Variants in C12orf42 observed in about 807,000 individuals in gnomAD.
C12orf42 encodes the protein uncharacterized protein C12orf42.
In C12orf42, 25 loss-of-function variants were observed where a neutral mutation model predicts 21.6. The observed-to-expected ratio is 1.16, with a 90% CI of 0.84 to 1.62. The LOEUF is 1.62. Ranked by LOEUF, C12orf42 falls within the 40% of genes most tolerant of loss-of-function variation. The pLI, the probability that C12orf42 is intolerant of heterozygous loss-of-function variation, is 0.00. For missense variants in C12orf42, 483 were observed against 459.3 expected (o/e 1.05, Z -0.47); for synonymous variants, 174 against 175.0 (o/e 0.99, Z 0.05).
At chr12:103,284,284 C>A (rs1915110) in intron 4 of C12orf42, among the ~76,000 whole-genome samples, 53,293 of 152,016 alleles carry the variant, frequency 0.35, 10,323 homozygotes, top group East Asian at 0.51. Flanking sequence ...AACAAGTAGC[C>A]TCCATTGATG....
intron 2 of C12orf42, among the ~76,000 whole-genome samples, chr12:103,458,998 G>A (rs1189717928): frequency 2.6e-5 from 4 of 151,872 alleles, no homozygotes; most frequent in African/African-American, 9.7e-5. Context: ...GGAGATGTGA[G>A]AAAAGACAAA....
intron 2 of C12orf42, among the ~76,000 whole-genome samples, chr12:103,474,737 A>T (rs1464989245): frequency 6.6e-6 from 1 of 152,208 alleles, no homozygotes; most frequent in Non-Finnish European, 1.5e-5. Flanking sequence ...ATATCAATTC[A>T]GAGTAGAGCA....
At chr12:103,183,205 C>T in the C12orf42 span, among the ~76,000 whole-genome samples, 3 of 152,230 alleles carry the variant, frequency 2.0e-5, no homozygotes, top group African/African-American at 7.2e-5. Context: ...CCTCAGCCTC[C>T]TGAGTAGCTG....
chr12:103,136,348 A>T, the C12orf42 span, among the ~76,000 whole-genome samples: 1 of 152,232 alleles, frequency 6.6e-6, no homozygotes, highest in Admixed American at 6.5e-5. Flanking sequence ...ATAGAAAAAA[A>T]CTACAAAACA....
the C12orf42 span, among the ~76,000 whole-genome samples, chr12:103,560,652 C>T: frequency 6.6e-6 from 1 of 152,146 alleles, no homozygotes; most frequent in Non-Finnish European, 1.5e-5. Flanking sequence ...CTATCTGTTT[C>T]AGTGGTCAGT....
intron 2 of C12orf42, among the ~76,000 whole-genome samples, chr12:103,453,263 T>A (rs1952071242): frequency 6.6e-6 from 1 of 151,864 alleles, no homozygotes; most frequent in African/African-American, 2.4e-5. Context: ...AAGGTTTATA[T>A]AAAGTTATAT....
chr12:103,106,962 T>C, the C12orf42 span, among the ~76,000 whole-genome samples: 1 of 151,916 alleles, frequency 6.6e-6, no homozygotes, highest in African/African-American at 2.4e-5. Context: ...AGAAAAGATA[T>C]TCACCAAAAG....
chr12:103,276,488 A>C (rs775888333), intron 5 of C12orf42, among the ~76,000 whole-genome samples: 7 of 152,174 alleles, frequency 4.6e-5, no homozygotes, highest in Non-Finnish European at 1.0e-4. Context: ...CGCAAGTGTG[A>C]CCATCCCATG....
At chr12:103,256,111 T>TAC (rs199952822) in intron 10 of C12orf42, among the ~76,000 whole-genome samples, 1,114 of 33,656 alleles carry the variant, frequency 0.033, 27 homozygotes, top group Middle Eastern at 0.11. Context: ...TATATATATA[T>TAC]ACACACACAC....
At chr12:103,427,379 G>T (rs1034991907) in intron 2 of C12orf42, among the ~76,000 whole-genome samples, 11 of 146,544 alleles carry the variant, frequency 7.5e-5, no homozygotes, top group African/African-American at 2.8e-4. Flanking sequence ...AAAAAAACAA[G>T]GAAGGTCATT....
At position 103,436,318 on chromosome 12, in the gene C12orf42, C is replaced by T. The variant is rs139847623; in HGVS notation, c.79-34643G>A. On this transcript the variant is annotated intron_variant, in intron 2 of 5. Coordinates refer to ENST00000548883, the MANE Select transcript of C12orf42 (RefSeq NM_198521.5). Reference sequence around the variant, plus strand: ...AATCATGCCAAAATGTAAAGACCATCGAGACTAGGAAGAAACTACATCAAC... The same window carrying T: ...AATCATGCCAAAATGTAAAGACCATTGAGACTAGGAAGAAACTACATCAAC... Among the ~76,000 whole-genome samples the T allele has an allele frequency of 5.6e-3, 846 of 151,922 alleles. 9 individuals are homozygous for T. Among genetic ancestry groups the T allele is most frequent in the African/African-American group, 0.02 (816 of 41,376 alleles).
the C12orf42 span, among the ~76,000 whole-genome samples, chr12:103,514,739 C>G: frequency 6.6e-6 from 1 of 151,872 alleles, no homozygotes; most frequent in Admixed American, 6.5e-5. Flanking sequence ...TCAGACAATT[C>G]TATACAAGAT....
At position 103,411,610 on chromosome 12, in the gene C12orf42, T is replaced by C. The variant is rs1268930115; in HGVS notation, c.79-9935A>G. Among the ~76,000 whole-genome samples, 6 of 152,278 alleles carry C rather than the reference T, an allele frequency of 3.9e-5. 1 individual carries two copies. Among genetic ancestry groups the C allele is most frequent in the Middle Eastern group, 6.8e-3 (2 of 294 alleles). ...CTCATGAATAGGATTAGTTCCCTTATGAAAAAGAAGCCAGGGGAGCTTGTT... is the reference window on the plus strand; with the variant it reads ...CTCATGAATAGGATTAGTTCCCTTACGAAAAAGAAGCCAGGGGAGCTTGTT... On this transcript the variant is annotated intron_variant, in intron 2 of 5. Transcript: ENST00000548883.
In C12orf42 at chr12:103,250,128, T is replaced by C. The variant is rs559337535; in HGVS notation, c.*1367-12226A>G. On this transcript the variant is annotated intron_variant and NMD_transcript_variant, in intron 10 of 10. Transcript: ENST00000547347. ...CTATGTTTGATTTTCTAAAGAAGTATAGTATGTTTTACTTCTTGGAATGTC... is the reference window on the plus strand; with the variant it reads ...CTATGTTTGATTTTCTAAAGAAGTACAGTATGTTTTACTTCTTGGAATGTC... 2.0e-5 allele frequency among the ~76,000 whole-genome samples: 3 copies of C among 152,142 alleles called. No homozygotes were observed. In the South Asian group the frequency reaches 6.2e-4, roughly 32 times the overall value.
intron 4 of C12orf42, among the ~76,000 whole-genome samples, chr12:103,283,580 C>A (rs943215989): frequency 3.5e-4 from 53 of 152,228 alleles, no homozygotes; most frequent in Non-Finnish European, 7.2e-4. Context: ...CATGCCAGCT[C>A]ATTTTCCTCT....
the C12orf42 span, among the ~76,000 whole-genome samples, chr12:103,119,756 G>C: frequency 6.6e-6 from 1 of 152,186 alleles, no homozygotes; most frequent in African/African-American, 2.4e-5. Context: ...TTGGGATAGA[G>C]TCTTCAATTC....
intron 4 of C12orf42, among the ~76,000 whole-genome samples, chr12:103,290,758 AGTG>A (rs995901774): frequency 1.3e-5 from 2 of 152,184 alleles, no homozygotes; most frequent in African/African-American, 2.4e-5. Context: ...AACAGAAAAA[AGTG>A]GTGTTAATTC....
intron 1 of C12orf42, among the ~76,000 whole-genome samples, chr12:103,485,523 C>T (rs1302644650): frequency 6.6e-6 from 1 of 152,116 alleles, no homozygotes; most frequent in Non-Finnish European, 1.5e-5. Flanking sequence ...TCACTGGTAG[C>T]TTGATGGGGA....
At chr12:103,079,482 T>C in the C12orf42 span, among the ~76,000 whole-genome samples, 1 of 152,140 alleles carries the variant, frequency 6.6e-6, no homozygotes, top group Non-Finnish European at 1.5e-5. Flanking sequence ...AATTAGAAGG[T>C]TTGTGTATGG....
Sources: allele counts gnomAD v4.1 joint callset (sites outside exome capture counted in the v4.1 genomes callset), GRCh38; gene constraint gnomAD v4.1.1; transcripts MANE v1.5; gene names NCBI Gene and HGNC (gene_info 2026-07-23, HGNC 2026-07-21).